Variants in WASF3 observed in about 807,000 individuals in gnomAD.
WASF3 encodes actin-binding protein WASF3.
A neutral mutation model predicts 46.6 loss-of-function variants in WASF3; 11 were observed. The ratio of observed to expected loss-of-function variants is 0.24; its 90% CI spans 0.15 to 0.39. The LOEUF (loss-of-function observed/expected upper bound fraction) is 0.39, where lower values mean the gene tolerates loss of function less well. Ranked by LOEUF, WASF3 falls within the 10% of genes least tolerant of loss-of-function variation. WASF3 has a pLI of 1.00. For missense variants in WASF3, 576 were observed against 669.8 expected, an observed-to-expected ratio of 0.86 and a Z score of 1.55; for synonymous variants, 242 against 259.7, an observed-to-expected ratio of 0.93 and a Z score of 0.65.
chr13:26,633,050 GA>G, intron 2 of WASF3, among the ~76,000 whole-genome samples: 1 of 151,978 alleles, frequency 6.6e-6, no homozygotes, highest in East Asian at 1.9e-4. Context: ...GTGTCTATTT[GA>G]TTCTTTTCTC....
Position 26,679,927 on chromosome 13 carries a change from G to A in WASF3, c.717-1127G>A. ...TTGGAAGGCTTTTCTGTGCCACATG[G>A]TGCCCCAGTTAAGAAAAGCTACCAA... is the stretch of plus-strand genomic sequence containing the variant. On this transcript the variant is annotated intron_variant, in intron 7 of 9. Transcript: ENST00000335327. The surrounding 1 kb of genome is among the most constrained non-coding windows in gnomAD (Gnocchi z 4.8). The A allele has an allele frequency of 3.0e-6, 4 of 1,330,290 alleles. No homozygotes were observed. Among genetic ancestry groups the A allele is most frequent in the Non-Finnish European group, 3.1e-6 (3 of 979,832 alleles). The allele number at this position is 1,330,290 out of a possible 1,614,324, so 82.4% of individuals were successfully genotyped here.
the WASF3 span, among the ~76,000 whole-genome samples, chr13:26,547,752 A>G: frequency 6.6e-6 from 1 of 152,184 alleles, no homozygotes. Flanking sequence ...CTGAATCGCA[A>G]GTTCCTTGGT....
chr13:26,592,921 A>G (rs1880347825), intron 1 of WASF3, among the ~76,000 whole-genome samples: 1 of 152,162 alleles, frequency 6.6e-6, no homozygotes, highest in Non-Finnish European at 1.5e-5. Context: ...AACTTGTGGC[A>G]ATATTTACAG....
At chr13:26,613,701 C>T (rs914931659) in intron 2 of WASF3, among the ~76,000 whole-genome samples, 20 of 152,172 alleles carry the variant, frequency 1.3e-4, no homozygotes, top group Non-Finnish European at 2.8e-4. Flanking sequence ...ACCCAGAAGG[C>T]GGAGCTTGCA....
At chr13:26,550,123 AG>A in the WASF3 span, among the ~76,000 whole-genome samples, 1 of 152,240 alleles carries the variant, frequency 6.6e-6, no homozygotes, top group East Asian at 1.9e-4. Flanking sequence ...TATGAAAACA[AG>A]GTACACATGG....
chr13:26,642,451 C>A, intron 3 of WASF3, 48 bp downstream of exon 3: 3 of 1,538,752 alleles, frequency 1.9e-6, no homozygotes, highest in Non-Finnish European at 2.6e-6. Context: ...TTTTTGTTAG[C>A]AAATTGATTT....
At chr13:26,616,883 G>A (rs1881150567) in intron 2 of WASF3, among the ~76,000 whole-genome samples, 1 of 152,176 alleles carries the variant, frequency 6.6e-6, no homozygotes, top group Non-Finnish European at 1.5e-5. Flanking sequence ...GGCCTCACCT[G>A]AAGTACTACA....
intron 4 of WASF3, among the ~76,000 whole-genome samples, chr13:26,665,522 A>G (rs1458629918): frequency 1.3e-5 from 2 of 152,230 alleles, no homozygotes; most frequent in Admixed American, 6.5e-5. Context: ...ATATGGTCCA[A>G]CTGAGACAGT....
intron 1 of WASF3, among the ~76,000 whole-genome samples, chr13:26,605,158 G>A (rs1374672901): frequency 6.6e-6 from 1 of 152,150 alleles, no homozygotes; most frequent in Non-Finnish European, 1.5e-5. Flanking sequence ...AAAGAAAACT[G>A]CTTAATGATG....
upstream of WASF3, among the ~76,000 whole-genome samples, chr13:26,557,509 T>TC (rs71080275): frequency 0.35 from 53,214 of 151,942 alleles, 9,589 homozygotes; most frequent in East Asian, 0.55. Flanking sequence ...GCCTCCGCAA[T>TC]CCCCCGCCCC....
rs1883214013 is a variant in WASF3 at position 26,681,127 on chromosome 13, A to AC, written c.794dup (p.Ser266PhefsTer6). On this transcript the variant is annotated frameshift_variant, in exon 8 of 10. Coordinates refer to ENST00000335327, the MANE Select transcript of WASF3 (RefSeq NM_006646.6). LOFTEE classifies it high-confidence loss of function. The stretch of plus-strand genomic sequence containing the variant: ...CCATTCTCTGCACCCCCAGCCTGTG[A>AC]CCCCTTCCTATGCAGCTGGTGACGT... 1 of 1,613,768 alleles carries AC rather than the reference A, an allele frequency of 6.2e-7. No individual in the cohort carries two copies. The highest frequency in any genetic ancestry group is 1.3e-5 in the African/African-American group (1 of 74,804).
intron 1 of WASF3, among the ~76,000 whole-genome samples, chr13:26,586,053 G>C (rs1261483011): frequency 6.6e-6 from 1 of 152,002 alleles, no homozygotes; most frequent in Non-Finnish European, 1.5e-5. Flanking sequence ...CAGAACCCTG[G>C]GTTTGTGGAT....
chr13:26,621,585 T>A (rs1410607772), intron 2 of WASF3, among the ~76,000 whole-genome samples: 1 of 152,206 alleles, frequency 6.6e-6, no homozygotes, highest in African/African-American at 2.4e-5. Context: ...TGCTTCACTG[T>A]ACCTCTCTGT....
the WASF3 span, among the ~76,000 whole-genome samples, chr13:26,550,253 C>T: frequency 2.6e-5 from 4 of 152,108 alleles, no homozygotes; most frequent in African/African-American, 9.7e-5. Flanking sequence ...ATAGACTTAT[C>T]CTATACCTTA....
rs1235485534 is a variant in WASF3 at position 26,624,087 on chromosome 13, A to T, written c.-11+11029A>T. ...GATATCCAGCATTCAGCACAAAATT[A>T]TGAGACAAAAAAGGCAAGAAAGAAT... On this transcript the variant is annotated intron_variant, in intron 2 of 9. Coordinates refer to ENST00000335327, the MANE Select transcript of WASF3 (RefSeq NM_006646.6). Among the ~76,000 whole-genome samples the T allele has an allele frequency of 2.6e-5, 4 of 152,280 alleles. No homozygotes were observed. In the East Asian group the frequency reaches 5.8e-4, roughly 22 times the overall value.
At chr13:26,664,976 C>T (rs373788574) in intron 3 of WASF3, 52 bp from the exon 4 acceptor site, 15 of 1,593,078 alleles carry the variant, frequency 9.4e-6, no homozygotes, top group Non-Finnish European at 1.3e-5. Flanking sequence ...GTGTGAGGGC[C>T]GCTTCATCAG....
At chr13:26,572,166 G>A (rs1879655758) in intron 1 of WASF3, among the ~76,000 whole-genome samples, 1 of 152,010 alleles carries the variant, frequency 6.6e-6, no homozygotes, top group Admixed American at 6.5e-5. Flanking sequence ...TCCATTGTTT[G>A]TGCCTTTAAT....
At chr13:26,636,220 G>A (rs1353744241) in intron 2 of WASF3, among the ~76,000 whole-genome samples, 5 of 152,108 alleles carry the variant, frequency 3.3e-5, no homozygotes, top group Admixed American at 6.5e-5. Context: ...CAGCAATGGC[G>A]GATGCCCCTC....
At chr13:26,635,089 C>T (rs1297666658) in intron 2 of WASF3, among the ~76,000 whole-genome samples, 1 of 152,210 alleles carries the variant, frequency 6.6e-6, no homozygotes, top group Non-Finnish European at 1.5e-5. Flanking sequence ...TGTTTTCCAA[C>T]TTGATTCCAT....
Sources: allele counts gnomAD v4.1 joint callset (sites outside exome capture counted in the v4.1 genomes callset), GRCh38; gene constraint gnomAD v4.1.1; non-coding constraint Gnocchi (gnomAD v3.1); transcripts MANE v1.5; gene names NCBI Gene and HGNC (gene_info 2026-07-23, HGNC 2026-07-21).